PBX1: variants seen among roughly 807,000 people sequenced by gnomAD.
PBX1 encodes PBX homeobox 1.
Under a neutral mutation model 53.4 loss-of-function variants are expected in PBX1, and 6 were observed. The observed-to-expected ratio is 0.11, with a 90% CI of 0.06 to 0.22. The LOEUF is 0.22. PBX1 is among the 10% of genes least tolerant of loss of function. The pLI is 1.00. For synonymous variants in PBX1, 204 were observed against 212.3 expected (o/e 0.96, Z 0.34); for missense variants, 251 against 551.4 (o/e 0.46, Z 5.46).
chr1:164,619,886 T>C (rs1657551978), intron 2 of PBX1, among the ~76,000 whole-genome samples: 1 of 152,176 alleles, frequency 6.6e-6, no homozygotes, highest in Non-Finnish European at 1.5e-5. Context: ...TAAATATTTC[T>C]TTGGAGGCCA....
In PBX1 at chr1:164,820,122, G is replaced by A. The variant is rs750360584; in HGVS notation, c.1048G>A (p.Val350Met). 3.3e-5 allele frequency: 54 copies of A among 1,613,658 alleles called. No individual in the cohort carries two copies. Among genetic ancestry groups the A allele is most frequent in the South Asian group, 7.7e-5 (7 of 91,036 alleles). The change falls in exon 7 of 9, where the codon GTG (valine) becomes ATG (methionine). Residue 350 changes from valine (V) to methionine (M), a missense_variant. Transcript: ENST00000420696. ...AAACTCTGGAGATTTGTTCATGAGC[G>A]TGCAGTCACTCAATGGGGATTCTTA... ...MSNSGDLFMS[V>M]QSLNGDSYQG...
chr1:164,838,570 C>T (rs958129849), intron 8 of PBX1, among the ~76,000 whole-genome samples: 6 of 152,134 alleles, frequency 3.9e-5, no homozygotes, highest in Non-Finnish European at 7.4e-5. Context: ...GCATGTGGAG[C>T]GCACACATTG....
intron 7 of PBX1, among the ~76,000 whole-genome samples, chr1:164,820,733 C>G (rs1471091024): frequency 9.9e-5 from 15 of 152,142 alleles, no homozygotes; most frequent in Admixed American, 9.8e-4. Flanking sequence ...CATTGGGAAG[C>G]AAAATCAAGC....
At chr1:164,613,703 C>T (rs1377122116) in intron 2 of PBX1, among the ~76,000 whole-genome samples, 1 of 152,122 alleles carries the variant, frequency 6.6e-6, no homozygotes, top group Non-Finnish European at 1.5e-5. Flanking sequence ...ACAATAAGTA[C>T]TTTTTGGTGA....
At chr1:164,693,885 A>C (rs1662647149) in intron 2 of PBX1, among the ~76,000 whole-genome samples, 2 of 152,058 alleles carry the variant, frequency 1.3e-5, no homozygotes, top group Non-Finnish European at 2.9e-5. Context: ...CTTTCACAAG[A>C]GTTGTGAAAG....
At chr1:164,780,473 A>G (rs1446637459) in intron 2 of PBX1, among the ~76,000 whole-genome samples, 3 of 152,188 alleles carry the variant, frequency 2.0e-5, no homozygotes, top group Admixed American at 6.5e-5. Flanking sequence ...AAGTTCAAGA[A>G]AAGTTAAACC....
rs1671639631 is a variant in PBX1, at chr1:164,847,645, A to G, written c.*969A>G. 1.9e-6 allele frequency: 2 copies of G among 1,061,216 alleles called. No individual in the cohort carries two copies. Among genetic ancestry groups the G allele is most frequent in the Admixed American group, 5.4e-5 (1 of 18,622 alleles). The allele number at this position is 1,061,216 out of a possible 1,614,324, so 65.7% of individuals were successfully genotyped here. ...CACACACGTTCATGCACATGTAGGCACATGTACCATCTCACATCTTCACTT... is the reference window on the plus strand; with the variant it reads ...CACACACGTTCATGCACATGTAGGCGCATGTACCATCTCACATCTTCACTT... On this transcript the variant is annotated 3_prime_UTR_variant, in exon 9 of 9. Transcript: ENST00000420696.
At chr1:164,862,449 A>G in intron 2 of PBX1, among the ~76,000 whole-genome samples, 1 of 152,188 alleles carries the variant, frequency 6.6e-6, no homozygotes, top group East Asian at 1.9e-4. Flanking sequence ...TCTCTTCCGA[A>G]CCAAGAACAC....
At chr1:164,573,959 C>T (rs1557868245) in intron 2 of PBX1, among the ~76,000 whole-genome samples, 1 of 152,156 alleles carries the variant, frequency 6.6e-6, no homozygotes. Context: ...TGGTTGTTCC[C>T]CACTCAAACT....
chr1:164,736,378 C>T (rs143063239), intron 2 of PBX1, among the ~76,000 whole-genome samples: 121 of 152,214 alleles, frequency 7.9e-4, no homozygotes, highest in African/African-American at 2.8e-3. Flanking sequence ...CCAGCTAATG[C>T]GACGGCTGTC....
rs933098068 is a variant in PBX1, at chr1:164,559,993, T to C, written c.171T>C (p.Ser57=). The change falls in exon 1 of 9, where the codon AGT becomes AGC. Residue 57 remains serine (S), a synonymous_variant. Coordinates refer to ENST00000420696, the MANE Select transcript of PBX1 (RefSeq NM_002585.4). ...LQQIMTITDQ[S]LDEAQARKHA... ...AAATTATGACCATCACAGACCAGAG[T>C]TTGGATGAGGCGCAGGCCAGGTGAG... The C allele has an allele frequency of 8.9e-6, 13 of 1,466,944 alleles. No homozygotes were observed. Among genetic ancestry groups the C allele is most frequent in the Middle Eastern group, 1.8e-4 (1 of 5,626 alleles). The allele number at this position is 1,466,944 out of a possible 1,614,324, so 90.9% of individuals were successfully genotyped here.
At chr1:164,618,539 A>G (rs1022598040) in intron 2 of PBX1, among the ~76,000 whole-genome samples, 2 of 152,198 alleles carry the variant, frequency 1.3e-5, no homozygotes, top group Admixed American at 1.3e-4. Flanking sequence ...CTTTTCTCAA[A>G]AAAATTACAC....
intron 2 of PBX1, chr1:164,684,666 T>C (rs1443930511): frequency 6.6e-6 from 1 of 152,178 alleles, no homozygotes; most frequent in East Asian, 1.9e-4. Flanking sequence ...ATAATAAATA[T>C]GAAAAGAGAA....
chr1:164,820,227 T>A, intron 7 of PBX1, 43 bp downstream of exon 7: 1 of 1,082,076 alleles, frequency 9.2e-7, no homozygotes, highest in Non-Finnish European at 1.4e-6. Context: ...TGCCTTAGAG[T>A]CCAAGAGCCC....
intron 2 of PBX1, among the ~76,000 whole-genome samples, chr1:164,645,004 A>G (rs1341925140): frequency 6.6e-6 from 1 of 152,222 alleles, no homozygotes; most frequent in African/African-American, 2.4e-5. Flanking sequence ...TCCAAATGCA[A>G]CAGCTGTTAA....
At chr1:164,648,945 G>GT (rs1178927740) in intron 2 of PBX1, among the ~76,000 whole-genome samples, 1 of 152,154 alleles carries the variant, frequency 6.6e-6, no homozygotes, top group East Asian at 1.9e-4. Flanking sequence ...CATGCTTTTT[G>GT]TTTAACTGTG....
intron 2 of PBX1, among the ~76,000 whole-genome samples, chr1:164,670,632 CA>C (rs2101970801): frequency 6.6e-6 from 1 of 152,158 alleles, no homozygotes; most frequent in Non-Finnish European, 1.5e-5. Flanking sequence ...CTGAATGTAT[CA>C]AGACTGCCAA....
chr1:164,720,693 TG>T (rs776318661), intron 2 of PBX1, among the ~76,000 whole-genome samples: 2 of 152,188 alleles, frequency 1.3e-5, no homozygotes, highest in Non-Finnish European at 1.5e-5. Context: ...GGGGCTCAAG[TG>T]AAGAAATATT....
chr1:164,737,045 A>T (rs1175415802), intron 2 of PBX1, among the ~76,000 whole-genome samples: 1 of 150,356 alleles, frequency 6.7e-6, no homozygotes, highest in East Asian at 2.0e-4. Flanking sequence ...AGGAGACAAG[A>T]AAGGTGTGTG....
Sources: gnomAD v4.1 joint callset for allele counts (sites outside exome capture counted in the v4.1 genomes callset) on GRCh38, gnomAD v4.1.1 for gene constraint, MANE v1.5 for transcripts, NCBI Gene and HGNC (gene_info 2026-07-23, HGNC 2026-07-21) for gene names.